CPAP: variants seen among roughly 807,000 people sequenced by gnomAD.
CPAP encodes the protein centrosome assembly and centriole elongation protein, also known as centrosomal P4.1-associated protein.
chr13:24,897,732 G>A, the CPAP span, among the ~76,000 whole-genome samples: 2 of 152,086 alleles, frequency 1.3e-5, no homozygotes, highest in Admixed American at 1.3e-4. Context: ...ATTTCTCTGG[G>A]AAAATATGAG....
At chr13:24,885,508 CTT>C in the CPAP span, 2 of 1,196,934 alleles carry the variant, frequency 1.7e-6, no homozygotes, top group South Asian at 2.4e-5. Flanking sequence ...AGTAAAAACT[CTT>C]TTTTACACGT....
the CPAP span, among the ~76,000 whole-genome samples, chr13:24,928,805 C>A: frequency 6.6e-6 from 1 of 152,090 alleles, no homozygotes; most frequent in Non-Finnish European, 1.5e-5. Context: ...ATAGTTAAAT[C>A]TATTGCTGGT....
chr13:24,884,273 T>C, the CPAP span: 1 of 1,614,142 alleles, frequency 6.2e-7, no homozygotes, highest in South Asian at 1.1e-5. Flanking sequence ...CAGTCTGCCT[T>C]TTCTCCAGAG....
chr13:24,927,510 T>TC, the CPAP span, among the ~76,000 whole-genome samples: 13 of 152,284 alleles, frequency 8.5e-5, no homozygotes, highest in East Asian at 1.7e-3. Context: ...GGGGCTCCCT[T>TC]CCCCCCGCAG....
the CPAP span, among the ~76,000 whole-genome samples, chr13:24,902,940 A>C: frequency 6.6e-6 from 1 of 152,206 alleles, no homozygotes; most frequent in Non-Finnish European, 1.5e-5. Context: ...AAAAACAAAG[A>C]AATACGGTGT....
chr13:24,914,172 A>G, the CPAP span, among the ~76,000 whole-genome samples: 1 of 152,194 alleles, frequency 6.6e-6, no homozygotes, highest in South Asian at 2.1e-4. Context: ...CTCATTTAGA[A>G]GGTAAAATTA....
chr13:24,906,897 C>T, the CPAP span: 5 of 1,613,896 alleles, frequency 3.1e-6, no homozygotes, highest in Non-Finnish European at 2.5e-6. Flanking sequence ...CTAGCTAAAC[C>T]TTCTCCTCGT....
the CPAP span, among the ~76,000 whole-genome samples, chr13:24,911,730 C>T: frequency 6.7e-6 from 1 of 148,230 alleles, no homozygotes; most frequent in African/African-American, 2.5e-5. Flanking sequence ...AATGAATAAA[C>T]ATCAATGCCT....
the CPAP span, among the ~76,000 whole-genome samples, chr13:24,909,259 G>A: frequency 6.6e-6 from 1 of 152,176 alleles, no homozygotes; most frequent in Admixed American, 6.5e-5. Flanking sequence ...GGGTGCAGTA[G>A]CTCAGATCTG....
the CPAP span, among the ~76,000 whole-genome samples, chr13:24,888,484 C>T: frequency 2.0e-5 from 3 of 152,146 alleles, no homozygotes; most frequent in Admixed American, 6.5e-5. Flanking sequence ...TACCAGCTCA[C>T]GGAATCAACC....
chr13:24,929,337 C>A, the CPAP span, among the ~76,000 whole-genome samples: 1 of 152,346 alleles, frequency 6.6e-6, no homozygotes, highest in Non-Finnish European at 1.5e-5. Flanking sequence ...GTTGGGATTA[C>A]AGGAATGAGT....
the CPAP span, among the ~76,000 whole-genome samples, chr13:24,898,242 C>A: frequency 1.3e-5 from 2 of 151,998 alleles, no homozygotes; most frequent in Non-Finnish European, 2.9e-5. Flanking sequence ...AACATACTGA[C>A]TATGTATAGG....
At chr13:24,883,823 C>G in the CPAP span, 5 of 898,976 alleles carry the variant, frequency 5.6e-6, no homozygotes, top group Non-Finnish European at 7.4e-6. Flanking sequence ...GACTGACATG[C>G]CTGTGGGACA....
the CPAP span, among the ~76,000 whole-genome samples, chr13:24,926,403 G>T: frequency 6.6e-6 from 1 of 152,152 alleles, no homozygotes; most frequent in Non-Finnish European, 1.5e-5. Context: ...GTTCCCAGAA[G>T]AAGGCACGTT....
At chr13:24,891,701 G>A in the CPAP span, among the ~76,000 whole-genome samples, 6 of 152,154 alleles carry the variant, frequency 3.9e-5, no homozygotes, top group South Asian at 2.1e-4. Flanking sequence ...TACAGCAGTC[G>A]GAGCTAAAAT....
chr13:24,930,184 C>T, the CPAP span, among the ~76,000 whole-genome samples: 2 of 152,114 alleles, frequency 1.3e-5, no homozygotes, highest in Admixed American at 6.5e-5. Context: ...GGTTTACAGG[C>T]ATGAGCCATC....
the CPAP span, among the ~76,000 whole-genome samples, chr13:24,930,187 G>A: frequency 1.3e-5 from 2 of 152,010 alleles, no homozygotes; most frequent in African/African-American, 2.4e-5. Flanking sequence ...TTACAGGCAT[G>A]AGCCATCATG....
chr13:24,903,793 T>C, the CPAP span: 3 of 1,032,688 alleles, frequency 2.9e-6, no homozygotes, highest in South Asian at 2.6e-5. Context: ...AAAACTTATA[T>C]GATACAGATT....
chr13:24,903,789 T>C, the CPAP span: 2 of 1,012,150 alleles, frequency 2.0e-6, no homozygotes, highest in African/African-American at 1.6e-5. Context: ...AAAAAAAACT[T>C]ATATGATACA....
Sources: allele counts gnomAD v4.1 joint callset (sites outside exome capture counted in the v4.1 genomes callset), GRCh38; gene constraint gnomAD v4.1.1; transcripts MANE v1.5; gene names NCBI Gene and HGNC (gene_info 2026-07-23, HGNC 2026-07-21).